The following SLC12A8 variants were observed in gnomAD, a reference collection of about 807,000 sequenced individuals.
SLC12A8 encodes the protein cation-chloride cotransporter 9.
A neutral mutation model predicts 75.6 loss-of-function variants in SLC12A8; 69 were observed. That is an observed-to-expected ratio of 0.91 (90% CI 0.75 to 1.11). SLC12A8 has a LOEUF of 1.11. SLC12A8 is among the 50% of genes most tolerant of loss of function. The probability of loss-of-function intolerance (pLI) is 0.00; values close to 1 mark genes in which losing one functional copy is unlikely to be tolerated. For missense variants in SLC12A8, 877 were observed against 896.7 expected (o/e 0.98, Z 0.28); for synonymous variants, 365 against 372.8 (o/e 0.98, Z 0.24).
At position 125,107,944 on chromosome 3, in the gene SLC12A8, C is replaced by T. The variant is rs150429043; in HGVS notation, c.1242G>A (p.Pro414=). 78 of 1,614,122 alleles carry T rather than the reference C, an allele frequency of 4.8e-5. No homozygotes were observed. The highest frequency in any genetic ancestry group is 4.1e-4 in the African/African-American group (31 of 75,020). The change falls in exon 10 of 14, where the codon CCG becomes CCA. Residue 414 remains proline (P), a synonymous_variant. Transcript: ENST00000469902. ...SLSMCSCSLT[P]VPEPVLREGA... Reference sequence around the variant, plus strand: ...CCTCCCTGAGCACCGGCTCAGGCACCGGGGTCAGGCTGCAGGAACACATGG... The same window carrying T: ...CCTCCCTGAGCACCGGCTCAGGCACTGGGGTCAGGCTGCAGGAACACATGG...
chr3:125,110,047 A>G lies in SLC12A8; in HGVS notation c.1059+142T>C, dbSNP rs949933889. The G allele has an allele frequency of 4.2e-5, 38 of 895,122 alleles. No individual in the cohort carries two copies. In the African/African-American group the frequency reaches 5.2e-4, roughly 12 times the overall value. 55.4% of individuals were successfully genotyped at this position (895,122 alleles called of 1,614,324 possible). On this transcript the variant is annotated intron_variant, in intron 9 of 13. Transcript: ENST00000469902. ...CCAGAGGACAGGGCTGAAAGAAATG[A>G]CCTCTGCATTATTTTCTGTGTCACC...
chr3:125,196,700 TG>T (rs1290324110), intron 2 of SLC12A8, among the ~76,000 whole-genome samples: 1 of 152,190 alleles, frequency 6.6e-6, no homozygotes, highest in Non-Finnish European at 1.5e-5. Context: ...AGACAGAAGC[TG>T]GATAATTGCT....
At chr3:125,156,928 C>T (rs1333950876) in intron 5 of SLC12A8, among the ~76,000 whole-genome samples, 1 of 152,182 alleles carries the variant, frequency 6.6e-6, no homozygotes, top group Admixed American at 6.5e-5. Context: ...CTTTAAAACG[C>T]ATGTTGAATT....
rs761407113 is a variant in SLC12A8 at position 125,190,484 on chromosome 3, T to G, written c.89A>C (p.Gln30Pro). 9 of 1,614,178 alleles carry G rather than the reference T, an allele frequency of 5.6e-6. No homozygotes were observed. The East Asian group carries it at 2.0e-4, about 36-fold the overall frequency. The change falls in exon 3 of 14, where the codon CAG becomes CCG. Residue 30 changes from glutamine (Q) to proline (P), a missense_variant. By Grantham distance (76) the Gln-to-Pro change is moderately conservative. Coordinates refer to ENST00000469902, the MANE Select transcript of SLC12A8 (RefSeq NM_024628.6). Reference sequence around the variant, plus strand: ...CAGCACAGGCTCCCACATGAACAGCTGGGTCTTCCACCAGGGCTGGGGCTG... The same window carrying G: ...CAGCACAGGCTCCCACATGAACAGCGGGGTCTTCCACCAGGGCTGGGGCTG... ...LAQPQPWWKTQLFMWEPVLFG... is the reference protein window; with the variant it reads ...LAQPQPWWKTPLFMWEPVLFG...
chr3:125,178,783 C>A (rs1934591645), intron 4 of SLC12A8, among the ~76,000 whole-genome samples: 1 of 152,210 alleles, frequency 6.6e-6, no homozygotes, highest in Non-Finnish European at 1.5e-5. Context: ...CACCCAGCAT[C>A]CTTTGCAGAT....
At chr3:125,193,862 C>A (rs1248008564) in intron 2 of SLC12A8, among the ~76,000 whole-genome samples, 1 of 152,116 alleles carries the variant, frequency 6.6e-6, no homozygotes, top group Non-Finnish European at 1.5e-5. Context: ...AAGCTTAGGC[C>A]AGTTCCAGGC....
chr3:125,092,151 A>T lies in SLC12A8; in HGVS notation c.1753T>A (p.Ser585Thr). ...CACATGTGGGTATAGAAAGAAGTGG[A>T]TCTTCTCCAGACATCTTGTTCTTGG... Reference protein sequence around the residue: ...RLQEQDVWRRSTSFYTHMCNP... With the variant: ...RLQEQDVWRRTTSFYTHMCNP... Residue 585 changes from serine (S) to threonine (T), a missense_variant, in exon 11 of 14, where the codon TCC becomes ACC. Coordinates refer to ENST00000469902, the MANE Select transcript of SLC12A8 (RefSeq NM_024628.6). 6.2e-7 allele frequency: 1 copy of T among 1,613,164 alleles called. No homozygotes were observed. The highest frequency in any genetic ancestry group is 8.5e-7 in the Non-Finnish European group (1 of 1,179,298).
intron 5 of SLC12A8, among the ~76,000 whole-genome samples, chr3:125,156,926 C>T (rs778727860): frequency 1.7e-4 from 26 of 152,174 alleles, no homozygotes; most frequent in Non-Finnish European, 2.9e-4. Flanking sequence ...ATCTTTAAAA[C>T]GCATGTTGAA....
At chr3:125,127,308 GGACA>G (rs1417002866) in intron 6 of SLC12A8, among the ~76,000 whole-genome samples, 1 of 152,118 alleles carries the variant, frequency 6.6e-6, no homozygotes, top group Non-Finnish European at 1.5e-5. Context: ...GATGCTGCTG[GGACA>G]GACAGTGTCA....
chr3:125,144,202 G>C (rs1025240536), intron 5 of SLC12A8, among the ~76,000 whole-genome samples: 3 of 152,200 alleles, frequency 2.0e-5, no homozygotes, highest in African/African-American at 7.2e-5. Flanking sequence ...GAACAGTGCT[G>C]TCTACTTCCG....
At chr3:125,085,911 CTTTTTTTTTTT>C (rs996241440) in intron 13 of SLC12A8, among the ~76,000 whole-genome samples, 3 of 146,068 alleles carry the variant, frequency 2.1e-5, no homozygotes, top group Non-Finnish European at 4.5e-5. Context: ...ATTTTTTTTT[CTTTTTTTTTTT>C]GAGACAAGGT....
intron 5 of SLC12A8, among the ~76,000 whole-genome samples, chr3:125,168,820 C>T (rs1201374400): frequency 6.6e-6 from 1 of 152,150 alleles, no homozygotes; most frequent in Non-Finnish European, 1.5e-5. Context: ...AAGGAGTGAC[C>T]TTGTCCTCAC....
intron 4 of SLC12A8, among the ~76,000 whole-genome samples, chr3:125,186,188 G>A (rs1026968505): frequency 7.2e-5 from 11 of 151,758 alleles, no homozygotes; most frequent in African/African-American, 2.7e-4. Context: ...AAGTCCCCAG[G>A]GTAATAAAGT....
At chr3:125,101,369 T>C (rs1173076304) in intron 10 of SLC12A8, among the ~76,000 whole-genome samples, 4 of 152,254 alleles carry the variant, frequency 2.6e-5, no homozygotes, top group Admixed American at 2.6e-4. Context: ...TACTTAACAA[T>C]AAGAATTCAT....
chr3:125,159,071 T>C, intron 5 of SLC12A8, among the ~76,000 whole-genome samples: 1 of 152,182 alleles, frequency 6.6e-6, no homozygotes, highest in East Asian at 1.9e-4. Context: ...CAAAGAGATA[T>C]ACGAATACAC....
rs114522249 is a variant in SLC12A8, at chr3:125,092,759, A to C, written c.1706-561T>G. ...TGAGGGGAAAGGGGCCTGGCAATAA[A>C]CAAATGCATGATCCTGCCTCATCCT... On this transcript the variant is annotated intron_variant, in intron 10 of 13. Transcript: ENST00000469902. Among the ~76,000 whole-genome samples the C allele has an allele frequency of 3.2e-3, 481 of 152,302 alleles. 6 individuals carry two copies. The highest frequency in any genetic ancestry group is 0.011 in the African/African-American group (446 of 41,550).
intron 2 of SLC12A8, 129 bp from the exon 3 acceptor site, chr3:125,190,650 C>T (rs1245491679): frequency 5.6e-6 from 6 of 1,079,112 alleles, no homozygotes; most frequent in Non-Finnish European, 8.2e-6. Context: ...TGTGCCAGGG[C>T]AAGTGTGTGT....
intron 2 of SLC12A8, among the ~76,000 whole-genome samples, chr3:125,207,253 G>A (rs1394240440): frequency 2.0e-5 from 3 of 152,130 alleles, no homozygotes; most frequent in Admixed American, 1.3e-4. Flanking sequence ...CCTAGAAAAG[G>A]GTCCACATGG....
intron 5 of SLC12A8, among the ~76,000 whole-genome samples, chr3:125,163,098 G>A (rs1423766827): frequency 6.6e-6 from 1 of 151,888 alleles, no homozygotes; most frequent in Non-Finnish European, 1.5e-5. Flanking sequence ...GAGCCCAGGA[G>A]TTCGAGACTA....
Sources: gnomAD v4.1 joint callset for allele counts (sites outside exome capture counted in the v4.1 genomes callset) on GRCh38, gnomAD v4.1.1 for gene constraint, MANE v1.5 for transcripts, NCBI Gene and HGNC (gene_info 2026-07-23, HGNC 2026-07-21) for gene names.